The following NACC2 variants were observed in gnomAD, a reference collection of about 807,000 sequenced individuals.
The protein encoded by NACC2 is NACC family member 2.
A neutral mutation model predicts 25.1 loss-of-function variants in NACC2; 8 were observed. That is an observed-to-expected ratio of 0.32 (90% CI 0.19 to 0.57). NACC2 has a LOEUF of 0.57. Ranked by LOEUF, NACC2 falls within the 20% of genes least tolerant of loss-of-function variation. NACC2 has a pLI of 0.89. For synonymous variants in NACC2, 435 were observed against 294.7 expected, an observed-to-expected ratio of 1.48 and a Z score of -4.88; for missense variants, 644 against 650.2, an observed-to-expected ratio of 0.99 and a Z score of 0.10.
rs57371679 is a variant in NACC2, at chr9:136,066,947, TAA to T, written c.-59-16369_-59-16368del. Among the ~76,000 whole-genome samples the T allele has an allele frequency of 7.6e-3, 1,063 of 140,076 alleles. 19 individuals carry two copies. The highest frequency in any genetic ancestry group is 0.036 in the Admixed American group (509 of 14,078). 91.9% of individuals were successfully genotyped at this position (140,076 alleles called of 152,430 possible). On this transcript the variant is annotated intron_variant, in intron 1 of 5. Transcript: ENST00000277554. ...TCCAGAACAGATCATTTAAAAAGAT[TAA>T]AAAAAAAAAAAAAAGATTTAGCTGG... is the stretch of plus-strand genomic sequence containing the variant.
intron 1 of NACC2, among the ~76,000 whole-genome samples, chr9:136,079,055 C>T (rs1339560034): frequency 9.0e-6 from 1 of 111,408 alleles, no homozygotes; most frequent in Non-Finnish European, 2.0e-5. Flanking sequence ...ATCATAGCTT[C>T]TTCTTTTTTT....
At position 136,082,088 on chromosome 9, in the gene NACC2, T is replaced by G. The variant is rs149788615; in HGVS notation, c.-60+13101A>C. Among the ~76,000 whole-genome samples, 16 of 151,998 alleles carry G rather than the reference T, an allele frequency of 1.1e-4. 1 individual carries two copies. In the East Asian group the frequency reaches 2.7e-3, roughly 26 times the overall value. ...GGGGCACCAGCCATTCTCCAAAGAC[T>G]CTCCACCTGAACACGACCTGCCGGG... On this transcript the variant is annotated intron_variant, in intron 1 of 5. Coordinates refer to ENST00000277554, the MANE Select transcript of NACC2 (RefSeq NM_144653.5).
rs1840018306 is a variant in NACC2, at chr9:136,006,774, G to A, written c.*4742C>T. The A allele has an allele frequency of 6.6e-6, 1 of 151,602 alleles. No homozygotes were observed. The highest frequency in any genetic ancestry group is 2.1e-4 in the South Asian group (1 of 4,814). The allele number at this position is 151,602 out of a possible 1,614,324, so 9.4% of individuals were successfully genotyped here. On this transcript the variant is annotated 3_prime_UTR_variant, in exon 6 of 6. Transcript: ENST00000277554. The stretch of plus-strand genomic sequence containing the variant: ...TCTACCGAGTAACAGCACAAAAACA[G>A]AGTGAGGGCTCAGGAAAACAAAACA...
intron 2 of NACC2, among the ~76,000 whole-genome samples, chr9:136,037,867 A>T (rs1840576998): frequency 6.6e-6 from 1 of 151,790 alleles, no homozygotes; most frequent in East Asian, 2.0e-4. Context: ...TTAAAAAAAA[A>T]ATGAAAACTT....
At position 136,050,347 on chromosome 9, in the gene NACC2, A is replaced by G; in HGVS notation, c.175T>C (p.Phe59Leu). 1 of 745,666 alleles carries G rather than the reference A, an allele frequency of 1.3e-6. No homozygotes were observed. Among genetic ancestry groups the G allele is most frequent in the South Asian group, 1.4e-5 (1 of 71,394 alleles). The allele number at this position is 745,666 out of a possible 1,614,324, so 46.2% of individuals were successfully genotyped here. ...AASSLYFRDL[F>L]SGNSKSAFEL... ...AAGGCGCTCTTGCTGTTGCCGCTGA[A>G]CAGGTCGCGGAAGTAGAGGCTGCTG... is the stretch of plus-strand genomic sequence containing the variant. The change falls in exon 2 of 6, where the codon TTC (phenylalanine) becomes CTC (leucine). Residue 59 changes from phenylalanine (F) to leucine (L), a missense_variant. Physicochemically the swap from Phe to Leu is conservative, Grantham distance 22. Transcript: ENST00000277554.
chr9:136,068,410 G>A (rs1314703868), intron 1 of NACC2, among the ~76,000 whole-genome samples: 2 of 148,376 alleles, frequency 1.3e-5, no homozygotes, highest in Admixed American at 6.8e-5. Context: ...GAGGCAGGAG[G>A]ATCGCTTGAA....
At position 136,086,548 on chromosome 9, in the gene NACC2, G is replaced by A. The variant is rs1830380511; in HGVS notation, c.-60+8641C>T. ...ATCTGCCTGCCAGCACCCAGCCACG[G>A]TCCCACCCCGGGCTCCACTGTGACC... On this transcript the variant is annotated intron_variant, in intron 1 of 5. Transcript: ENST00000277554. This position sits in a 1 kb window ranked among gnomAD's most constrained non-coding sequence, Gnocchi z 5.6. Among the ~76,000 whole-genome samples the A allele has an allele frequency of 6.6e-6, 1 of 151,966 alleles. No individual in the cohort carries two copies.
In NACC2 at chr9:136,009,383, A is replaced by G. The variant is rs1369047684; in HGVS notation, c.*2133T>C. On this transcript the variant is annotated 3_prime_UTR_variant, in exon 6 of 6. Coordinates refer to ENST00000277554, the MANE Select transcript of NACC2 (RefSeq NM_144653.5). ...CTCTAGGCTGGGTGGTTCTTAGTTC[A>G]GCAGAAGGTCTGGATGCCTCTGCAC... is the stretch of plus-strand genomic sequence containing the variant. 2 of 152,288 alleles carry G rather than the reference A, an allele frequency of 1.3e-5. No homozygotes were observed. Among genetic ancestry groups the G allele is most frequent in the Admixed American group, 6.5e-5 (1 of 15,276 alleles). The allele number at this position is 152,288 out of a possible 1,614,324, so 9.4% of individuals were successfully genotyped here. A position where few individuals can be genotyped will look rare whatever the true frequency, so the allele number is the denominator to read the frequency against.
chr9:136,068,543 G>A (rs1841114580), intron 1 of NACC2, among the ~76,000 whole-genome samples: 1 of 150,362 alleles, frequency 6.7e-6, no homozygotes, highest in Non-Finnish European at 1.5e-5. Flanking sequence ...ACATTATGAT[G>A]GCTACATCGT....
At chr9:136,075,333 C>T (rs1830250385) in intron 1 of NACC2, among the ~76,000 whole-genome samples, 2 of 152,226 alleles carry the variant, frequency 1.3e-5, no homozygotes. Flanking sequence ...GGGGGGAAAG[C>T]CCTCCCTAGC....
In NACC2 at chr9:136,049,616, G is replaced by A. The variant is rs1196160450; in HGVS notation, c.886+20C>T. Reference sequence around the variant, plus strand: ...CCGCTTCCCAGCCAGGTGGTGTGGGGCTCCACCCCGCCGCGTTACCTGCAT... The same window carrying A: ...CCGCTTCCCAGCCAGGTGGTGTGGGACTCCACCCCGCCGCGTTACCTGCAT... On this transcript the variant is annotated intron_variant, in intron 2 of 5. Transcript: ENST00000277554. The A allele has an allele frequency of 7.8e-6, 6 of 766,484 alleles. No individual in the cohort carries two copies. The highest frequency in any genetic ancestry group is 1.2e-5 in the Non-Finnish European group (5 of 411,284). The allele number at this position is 766,484 out of a possible 1,614,324, so 47.5% of individuals were successfully genotyped here.
Position 136,011,393 on chromosome 9 carries a change from T to C in NACC2, c.*123A>G. ...ATTTTAAATACAAGCAGAATAAAAA[T>C]CACATTTTTCTCAGGCAACAGTAGC... On this transcript the variant is annotated 3_prime_UTR_variant, in exon 6 of 6. Transcript: ENST00000277554. The C allele has an allele frequency of 5.5e-6, 6 of 1,084,698 alleles. No individual in the cohort carries two copies. Among genetic ancestry groups the C allele is most frequent in the Middle Eastern group, 3.5e-4 (1 of 2,852 alleles). The allele number at this position is 1,084,698 out of a possible 1,614,324, so 67.2% of individuals were successfully genotyped here.
At chr9:136,045,443 C>G (rs983873723) in intron 2 of NACC2, among the ~76,000 whole-genome samples, 1 of 129,336 alleles carries the variant, frequency 7.7e-6, no homozygotes, top group African/African-American at 2.8e-5. Flanking sequence ...AATACCCAGG[C>G]GTGGCTTTGT....
rs1840234868 is a variant in NACC2, at chr9:136,018,428, C to A, written c.887-1999G>T. On this transcript the variant is annotated intron_variant, in intron 2 of 5. Transcript: ENST00000277554. The surrounding 1 kb of genome is among the most constrained non-coding windows in gnomAD (Gnocchi z 4.4). Reference sequence around the variant, plus strand: ...CTGAGGACCCCACATCCTGAATCCACAGCGGGCGCCCCACTGAAGGCAGCA... The same window carrying A: ...CTGAGGACCCCACATCCTGAATCCAAAGCGGGCGCCCCACTGAAGGCAGCA... Among the ~76,000 whole-genome samples the A allele has an allele frequency of 1.3e-5, 2 of 152,106 alleles. No homozygotes were observed.
chr9:136,059,803 G>A (rs756940764), intron 1 of NACC2, among the ~76,000 whole-genome samples: 28 of 152,286 alleles, frequency 1.8e-4, no homozygotes, highest in African/African-American at 4.6e-4. Flanking sequence ...CATGTCACCC[G>A]GCTTCCCCAG....
chr9:136,016,151 G>T, intron 3 of NACC2, 114 bp downstream of exon 3: 1 of 1,180,974 alleles, frequency 8.5e-7, no homozygotes, highest in Non-Finnish European at 1.2e-6. Context: ...GGAAATTTAA[G>T]ATTTTTTTTT....
At chr9:136,040,435 TTAAAA>T (rs1840611159) in intron 2 of NACC2, among the ~76,000 whole-genome samples, 2 of 151,958 alleles carry the variant, frequency 1.3e-5, no homozygotes, top group South Asian at 2.1e-4. Context: ...ACACATCAAA[TTAAAA>T]TAAAATAGGA....
intron 1 of NACC2, among the ~76,000 whole-genome samples, chr9:136,067,789 C>T (rs566329398): frequency 5.9e-5 from 9 of 152,186 alleles, no homozygotes; most frequent in East Asian, 3.9e-4. Context: ...GAGCCGAGAT[C>T]GCGGCACTGC....
intron 1 of NACC2, among the ~76,000 whole-genome samples, chr9:136,065,134 T>G (rs1235868370): frequency 6.6e-6 from 1 of 152,208 alleles, no homozygotes; most frequent in Non-Finnish European, 1.5e-5. Flanking sequence ...ATCTTTGTGG[T>G]CTTGGGTTAA....
Sources: gnomAD v4.1 joint callset for allele counts (sites outside exome capture counted in the v4.1 genomes callset) on GRCh38, gnomAD v4.1.1 for gene constraint, Gnocchi (gnomAD v3.1) non-coding constraint, MANE v1.5 for transcripts, NCBI Gene and HGNC (gene_info 2026-07-23, HGNC 2026-07-21) for gene names.